Variants in RRP7A observed in about 807,000 individuals in gnomAD.
RRP7A encodes ribosomal RNA processing 7 homolog A, also known as ribosomal RNA-processing protein 7 homolog A.
RRP7A carries 27 observed loss-of-function variants against 38.4 expected under a neutral mutation model. The ratio of observed to expected loss-of-function variants is 0.70; its 90% CI spans 0.52 to 0.97. The LOEUF (loss-of-function observed/expected upper bound fraction) is 0.97, where lower values mean the gene tolerates loss of function less well. Among genes scored for constraint, RRP7A ranks in the 50% least tolerant of loss-of-function variants. The pLI is 0.00. For missense variants in RRP7A, 327 were observed against 375.4 expected, an observed-to-expected ratio of 0.87 and a Z score of 1.07; for synonymous variants, 124 against 150.3, an observed-to-expected ratio of 0.83 and a Z score of 1.28.
At chr22:42,519,168 T>C (rs1042908616) in intron 1 of RRP7A, among the ~76,000 whole-genome samples, 4 of 150,040 alleles carry the variant, frequency 2.7e-5, no homozygotes, top group Non-Finnish European at 5.9e-5. Context: ...GTCTGGTTTT[T>C]GTTTTAGAAG....
intron 1 of RRP7A, chr22:42,518,875 T>C: frequency 2.3e-6 from 1 of 426,846 alleles, no homozygotes; most frequent in Non-Finnish European, 4.9e-6. Context: ...GAAGCTCAGT[T>C]GCAATAACGG....
chr22:42,510,936 G>C lies in RRP7A; in HGVS notation c.*1974C>G. 2.5e-6 allele frequency: 1 copy of C among 406,000 alleles called. No individual in the cohort carries two copies. The allele number at this position is 406,000 out of a possible 1,614,324, so 25.1% of individuals were successfully genotyped here. ...AGAATTTAAGAAACAGAGACCTTTG[G>C]TGGGGAGGTTCTTTACCATCCTCAA... is the stretch of plus-strand genomic sequence containing the variant. On this transcript the variant is annotated 3_prime_UTR_variant, in exon 7 of 7. Transcript: ENST00000323013.
In RRP7A at chr22:42,514,128, C is replaced by A; in HGVS notation, c.735G>T (p.Gln245His). The A allele has an allele frequency of 6.2e-7, 1 of 1,613,288 alleles. No individual in the cohort carries two copies. The highest frequency in any genetic ancestry group is 8.5e-7 in the Non-Finnish European group (1 of 1,179,796). ...RKELLNFYAW[Q>H]HRESKMEHLA... ...TACGCTCCATCTTGCTCTCTCGATG[C>A]TGCCAGGCGTAGAAGTTGAGCAGCT... Residue 245 changes from glutamine to histidine, a missense_variant, in exon 6 of 7, where the codon CAG becomes CAT. Coordinates refer to ENST00000323013, the MANE Select transcript of RRP7A (RefSeq NM_015703.5).
At position 42,512,245 on chromosome 22, in the gene RRP7A, C is replaced by T. The variant is rs1031180393; in HGVS notation, c.*665G>A. 1 of 1,611,916 alleles carries T rather than the reference C, an allele frequency of 6.2e-7. No homozygotes were observed. Among genetic ancestry groups the T allele is most frequent in the Non-Finnish European group, 8.5e-7 (1 of 1,178,368 alleles). On this transcript the variant is annotated 3_prime_UTR_variant, in exon 7 of 7. Coordinates refer to ENST00000323013, the MANE Select transcript of RRP7A (RefSeq NM_015703.5). ...CTCCCAGCCCAGCTGTAGCTCTGGG[C>T]CTGGAACTATGAAGACCTAGTGCTC...
At chr22:42,516,260 C>T in intron 2 of RRP7A, 124 bp from the exon 3 acceptor site, 1 of 1,359,592 alleles carries the variant, frequency 7.4e-7, no homozygotes, top group African/African-American at 1.4e-5. Flanking sequence ...GCCACATCTG[C>T]CCAAGCCGGG....
chr22:42,516,638 G>A (rs1162980164), intron 2 of RRP7A, among the ~76,000 whole-genome samples: 1 of 152,262 alleles, frequency 6.6e-6, no homozygotes, highest in South Asian at 2.1e-4. Flanking sequence ...ACTGGAGACA[G>A]GTGGGGACAT....
rs752718883 is a variant in RRP7A, at chr22:42,514,111, A to T, written c.752T>A (p.Met251Lys). 1.9e-6 allele frequency: 3 copies of T among 1,612,272 alleles called. No homozygotes were observed. Among genetic ancestry groups the T allele is most frequent in the Non-Finnish European group, 2.5e-6 (3 of 1,179,572 alleles). Residue 251 changes from methionine (M) to lysine (K), a missense_variant, in exon 6 of 7, where the codon ATG becomes AAG. Met to Lys is a moderately conservative substitution (Grantham distance 95). This residue lies in a region of RRP7A where 84 missense variants were observed against 82.8 expected (regional missense o/e 1.01). Transcript: ENST00000323013. ...FYAWQHRESK[M>K]EHLAQLRKKF... The stretch of plus-strand genomic sequence containing the variant: ...ATGGACTGGGGGTGGCTTACGCTCC[A>T]TCTTGCTCTCTCGATGCTGCCAGGC...
In RRP7A at chr22:42,516,002, G is replaced by A; in HGVS notation, c.342+9C>T. On this transcript the variant is annotated intron_variant, in intron 3 of 6. Transcript: ENST00000323013. ...TCACTCTAGTGGAACCCCGGGCTTGGCGGCTCACCGGAACTGGCTTGGGAT... is the reference window on the plus strand; with the variant it reads ...TCACTCTAGTGGAACCCCGGGCTTGACGGCTCACCGGAACTGGCTTGGGAT... The A allele has an allele frequency of 1.3e-6, 2 of 1,584,994 alleles. No homozygotes were observed. The highest frequency in any genetic ancestry group is 1.7e-6 in the Non-Finnish European group (2 of 1,163,324).
At position 42,509,824 on chromosome 22, in the gene RRP7A, G is replaced by C. The variant is rs1279932391; in HGVS notation, c.*3086C>G. 1.0e-5 allele frequency: 1 copy of C among 100,108 alleles called. No individual in the cohort carries two copies. Among genetic ancestry groups the C allele is most frequent in the African/African-American group, 3.8e-5 (1 of 26,312 alleles). The allele number at this position is 100,108 out of a possible 1,614,324, so 6.2% of individuals were successfully genotyped here. ...GCCAGGTCATGGTTGCTCAGGACCGGAAGCCTGTTGGGGGTGGGGGGGTGG... is the reference window on the plus strand; with the variant it reads ...GCCAGGTCATGGTTGCTCAGGACCGCAAGCCTGTTGGGGGTGGGGGGGTGG... On this transcript the variant is annotated 3_prime_UTR_variant, in exon 7 of 7. Coordinates refer to ENST00000323013, the MANE Select transcript of RRP7A (RefSeq NM_015703.5).
Position 42,513,175 on chromosome 22 carries a change from C to T in RRP7A, c.758-180G>A, listed in dbSNP as rs567130837. ...TCTGGATCTTGTCAGGAAACAGAACCGACGGCAGGCCGAGTCCAAGGGCAA... is the reference window on the plus strand; with the variant it reads ...TCTGGATCTTGTCAGGAAACAGAACTGACGGCAGGCCGAGTCCAAGGGCAA... On this transcript the variant is annotated intron_variant, in intron 6 of 6. Coordinates refer to ENST00000323013, the MANE Select transcript of RRP7A (RefSeq NM_015703.5). Among the ~76,000 whole-genome samples the T allele has an allele frequency of 1.6e-3, 231 of 145,748 alleles. 13 individuals carry two copies. The highest frequency in any genetic ancestry group is 5.6e-3 in the African/African-American group (222 of 39,954).
rs1046091494 is a variant in RRP7A at position 42,519,772 on chromosome 22, C to T, written c.15G>A (p.Arg5=). The change falls in exon 1 of 7, where the codon AGG becomes AGA. Residue 5 remains arginine, a synonymous_variant. Coordinates refer to ENST00000323013, the MANE Select transcript of RRP7A (RefSeq NM_015703.5). Reference sequence around the variant, plus strand: ...CCGGGTCCCGCGCGGCGCACTTCCTCCTGCGCGCCACCATCTTGCCACCCG... The same window carrying T: ...CCGGGTCCCGCGCGGCGCACTTCCTTCTGCGCGCCACCATCTTGCCACCCG... The part of the protein sequence containing the change: MVAR[R]RKCAARDPED... The T allele has an allele frequency of 3.9e-5, 56 of 1,448,272 alleles. No individual in the cohort carries two copies. Among genetic ancestry groups the T allele is most frequent in the Admixed American group, 5.3e-5 (2 of 38,040 alleles). The allele number at this position is 1,448,272 out of a possible 1,614,324, so 89.7% of individuals were successfully genotyped here.
intron 1 of RRP7A, chr22:42,518,839 C>T (rs575227026): frequency 7.3e-5 from 33 of 454,946 alleles, no homozygotes; most frequent in Admixed American, 4.3e-4. Context: ...TACCGGTTGG[C>T]GTAGAGCTGC....
chr22:42,512,753 C>T lies in RRP7A; in HGVS notation c.*157G>A. On this transcript the variant is annotated 3_prime_UTR_variant, in exon 7 of 7. Coordinates refer to ENST00000323013, the MANE Select transcript of RRP7A (RefSeq NM_015703.5). ...GACCCGAGGGGTGGCCTGGTCCTTC[C>T]CTCCTGGCCTGTGTGGACTCTGATG... The T allele has an allele frequency of 4.0e-6, 3 of 754,744 alleles. No homozygotes were observed. The highest frequency in any genetic ancestry group is 1.6e-5 in the South Asian group (1 of 62,656). 46.8% of individuals were successfully genotyped at this position (754,744 alleles called of 1,614,324 possible). A position where few individuals can be genotyped will look rare whatever the true frequency, so the allele number is the denominator to read the frequency against.
intron 2 of RRP7A, chr22:42,516,377 C>A (rs767601518): frequency 3.6e-6 from 2 of 553,658 alleles, no homozygotes; most frequent in Non-Finnish European, 6.8e-6. Context: ...GTAGCCCAGG[C>A]TGGAGTCCTG....
Position 42,514,266 on chromosome 22 carries a change from G to A in RRP7A, c.597C>T (p.Asp199=), listed in dbSNP as rs757632805. The A allele has an allele frequency of 2.6e-5, 41 of 1,600,318 alleles. No homozygotes were observed. Among genetic ancestry groups the A allele is most frequent in the Middle Eastern group, 3.7e-4 (2 of 5,454 alleles). ...GGGTCACCTTCACCCAGCCCTCCTCGTCAGGGACCCCCTCCTCCTCCTTGG... is the reference window on the plus strand; with the variant it reads ...GGGTCACCTTCACCCAGCCCTCCTCATCAGGGACCCCCTCCTCCTCCTTGG... ...AKAKEEEGVP[D]EEGWVKVTRR... Residue 199 remains aspartate (D), a synonymous_variant, in exon 6 of 7, where the codon GAC becomes GAT. Transcript: ENST00000323013.
rs1007157617 is a variant in RRP7A, at chr22:42,514,576, C to G, written c.558+106G>C. On this transcript the variant is annotated intron_variant, in intron 5 of 6. Transcript: ENST00000323013. ...AGCAGGGAAACAGGGAGCCTGGCCTCTACAGAGTGGCCAAGGACAGGCCAC... is the reference window on the plus strand; with the variant it reads ...AGCAGGGAAACAGGGAGCCTGGCCTGTACAGAGTGGCCAAGGACAGGCCAC... 3.9e-6 allele frequency: 4 copies of G among 1,017,240 alleles called. No homozygotes were observed. In the African/African-American group the frequency reaches 4.7e-5, roughly 12 times the overall value. The allele number at this position is 1,017,240 out of a possible 1,614,324, so 63.0% of individuals were successfully genotyped here.
intron 2 of RRP7A, chr22:42,516,407 G>A (rs778735121): frequency 3.0e-5 from 15 of 492,820 alleles, no homozygotes; most frequent in Admixed American, 7.6e-5. Context: ...CCTTCGGGTT[G>A]CAAGTGATTC....
chr22:42,516,197 G>C (rs527885580), intron 2 of RRP7A, 61 bp from the exon 3 acceptor site: 23 of 1,599,700 alleles, frequency 1.4e-5, no homozygotes, highest in African/African-American at 1.2e-4. Context: ...AAGCCTCCCT[G>C]CACCATGGGT....
At chr22:42,518,535 C>T in intron 1 of RRP7A, 1 of 438,106 alleles carries the variant, frequency 2.3e-6, no homozygotes. Context: ...CTTGGATTCT[C>T]TGTTCCCCCG....
Sources: gnomAD v4.1 joint callset for allele counts (sites outside exome capture counted in the v4.1 genomes callset) on GRCh38, gnomAD v4.1.1 for gene constraint, gnomAD v4.1.1 regional missense constraint, MANE v1.5 for transcripts, NCBI Gene and HGNC (gene_info 2026-07-23, HGNC 2026-07-21) for gene names.